The following SV2C variants were observed in gnomAD, a reference collection of about 807,000 sequenced individuals.
The protein encoded by SV2C is solute carrier family 22 member B3.
A neutral mutation model predicts 79.7 loss-of-function variants in SV2C; 49 were observed. That is an observed-to-expected ratio of 0.61 (90% CI 0.49 to 0.78). SV2C has a LOEUF of 0.78. Among genes scored for constraint, SV2C ranks in the 30% least tolerant of loss-of-function variants. The pLI is 0.00. For synonymous variants in SV2C, 334 were observed against 333.2 expected (o/e 1.00, Z -0.03); for missense variants, 833 against 912.9 (o/e 0.91, Z 1.13).
chr5:76,313,245 G>T (rs1236363625), intron 12 of SV2C, among the ~76,000 whole-genome samples: 2 of 152,180 alleles, frequency 1.3e-5, no homozygotes, highest in Non-Finnish European at 2.9e-5. Context: ...TATTTGTGAA[G>T]ATTTTGGTAC....
At chr5:76,003,414 C>A in the SV2C span, among the ~76,000 whole-genome samples, 1 of 152,172 alleles carries the variant, frequency 6.6e-6, no homozygotes, top group East Asian at 1.9e-4. Context: ...TGAGTAAGAT[C>A]CTTCATGGGC....
At chr5:76,062,521 T>C in the SV2C span, among the ~76,000 whole-genome samples, 4 of 152,092 alleles carry the variant, frequency 2.6e-5, no homozygotes. Context: ...AAATTTCTGT[T>C]CTTTATAAAT....
chr5:75,989,696 G>A, the SV2C span, among the ~76,000 whole-genome samples: 7 of 151,860 alleles, frequency 4.6e-5, no homozygotes, highest in African/African-American at 7.3e-5. Context: ...CTAGGTCTTT[G>A]AGAAATTGCC....
chr5:76,309,830 A>G (rs185269393), intron 12 of SV2C, among the ~76,000 whole-genome samples: 91 of 152,154 alleles, frequency 6.0e-4, no homozygotes, highest in African/African-American at 2.1e-3. Context: ...TATGTTTTTT[A>G]ATTTTAAAAA....
At chr5:76,268,341 G>A (rs1033928789) in intron 4 of SV2C, among the ~76,000 whole-genome samples, 12 of 152,152 alleles carry the variant, frequency 7.9e-5, no homozygotes, top group African/African-American at 2.4e-4. Context: ...CTGGATTCAC[G>A]GGGCTCGATG....
chr5:75,973,196 G>A, the SV2C span, among the ~76,000 whole-genome samples: 2 of 151,794 alleles, frequency 1.3e-5, no homozygotes, highest in East Asian at 1.9e-4. Flanking sequence ...AAGGGGGGAG[G>A]GATAGCATTA....
chr5:76,120,763 A>G (rs1487993569), intron 1 of SV2C, among the ~76,000 whole-genome samples: 2 of 150,262 alleles, frequency 1.3e-5, no homozygotes, highest in South Asian at 2.1e-4. Context: ...AATCCAGTCT[A>G]TCATCATTGG....
intron 4 of SV2C, among the ~76,000 whole-genome samples, chr5:76,284,641 C>A (rs1293658989): frequency 6.6e-6 from 1 of 152,196 alleles, no homozygotes; most frequent in Non-Finnish European, 1.5e-5. Flanking sequence ...CACTGCCAGA[C>A]CTCCAGCCAG....
chr5:76,243,177 G>C (rs1206753242), intron 4 of SV2C, among the ~76,000 whole-genome samples: 3 of 152,152 alleles, frequency 2.0e-5, no homozygotes, highest in Admixed American at 1.3e-4. Flanking sequence ...GTAAATGGTT[G>C]CTGTGCACAC....
chr5:76,244,370 T>C (rs1745884202), intron 4 of SV2C, among the ~76,000 whole-genome samples: 1 of 152,220 alleles, frequency 6.6e-6, no homozygotes, highest in Non-Finnish European at 1.5e-5. Context: ...AGTTCCTGCC[T>C]TCAAAGAGTT....
At chr5:76,141,272 C>T (rs150021400) in intron 2 of SV2C, among the ~76,000 whole-genome samples, 1 of 152,278 alleles carries the variant, frequency 6.6e-6, no homozygotes, top group East Asian at 1.9e-4. Flanking sequence ...ATCCTTCTGC[C>T]ACCCTGAAGG....
chr5:76,072,399 A>G, the SV2C span, among the ~76,000 whole-genome samples: 2 of 152,230 alleles, frequency 1.3e-5, no homozygotes. Context: ...CTGTTGTACT[A>G]CAGGAAATGA....
the SV2C span, among the ~76,000 whole-genome samples, chr5:75,980,577 T>C: frequency 6.6e-6 from 1 of 152,076 alleles, no homozygotes; most frequent in Non-Finnish European, 1.5e-5. Flanking sequence ...AATCAATACA[T>C]GTGATTCAAC....
chr5:76,216,090 A>G (rs1281888905), intron 4 of SV2C, among the ~76,000 whole-genome samples: 1 of 152,054 alleles, frequency 6.6e-6, no homozygotes, highest in Admixed American at 6.6e-5. Context: ...TCTAAGGGCT[A>G]GTGAGTTAAG....
At chr5:76,066,622 A>AG in the SV2C span, among the ~76,000 whole-genome samples, 740 of 151,934 alleles carry the variant, frequency 4.9e-3, 10 homozygotes, top group East Asian at 0.056. Context: ...AAGAAGAAGA[A>AG]AAAAAAAGAA....
intron 4 of SV2C, among the ~76,000 whole-genome samples, chr5:76,264,244 GCTT>G (rs1447641673): frequency 9.9e-5 from 15 of 151,614 alleles, no homozygotes; most frequent in Admixed American, 9.9e-4. Flanking sequence ...ACTTGTGTAT[GCTT>G]CAGAAAGTTC....
At chr5:76,073,540 T>A in the SV2C span, among the ~76,000 whole-genome samples, 8 of 120,280 alleles carry the variant, frequency 6.7e-5, no homozygotes, top group Middle Eastern at 4.3e-3. Context: ...TATATATATA[T>A]ATATACACCA....
the SV2C span, among the ~76,000 whole-genome samples, chr5:75,913,962 T>TAA: frequency 2.0e-5 from 3 of 148,974 alleles, no homozygotes; most frequent in East Asian, 5.9e-4. Context: ...TGAGAATAGT[T>TAA]AAAAAAAAAA....
chr5:76,202,832 A>T (rs1744494049), intron 3 of SV2C, among the ~76,000 whole-genome samples: 4 of 152,226 alleles, frequency 2.6e-5, no homozygotes, highest in Admixed American at 2.6e-4. Flanking sequence ...GATTTCAAAG[A>T]CCTAGAACAT....
Sources: gnomAD v4.1 joint callset for allele counts (sites outside exome capture counted in the v4.1 genomes callset) on GRCh38, gnomAD v4.1.1 for gene constraint, MANE v1.5 for transcripts, NCBI Gene and HGNC (gene_info 2026-07-23, HGNC 2026-07-21) for gene names.